The following PMS2 variants were observed in gnomAD, a reference collection of about 807,000 sequenced individuals.
The protein encoded by PMS2 is mismatch repair endonuclease PMS2.
PMS2 carries 69 observed loss-of-function variants against 90.0 expected under a neutral mutation model. The ratio of observed to expected loss-of-function variants is 0.77; its 90% CI spans 0.63 to 0.94. The LOEUF is 0.94. PMS2 is among the 40% of genes least tolerant of loss of function. PMS2 has a pLI of 0.00. For missense variants in PMS2, 966 were observed against 1,040.2 expected, an observed-to-expected ratio of 0.93 and a Z score of 0.98; for synonymous variants, 332 against 375.1, an observed-to-expected ratio of 0.89 and a Z score of 1.33.
At chr7:5,999,418 A>T in intron 5 of PMS2, 143 bp from the exon 6 acceptor site, 1 of 790,754 alleles carries the variant, frequency 1.3e-6, no homozygotes, top group Non-Finnish European at 2.2e-6. Flanking sequence ...ATCTGTAAAG[A>T]GGTGTCTTCC....
At position 5,991,223 on chromosome 7, in the gene PMS2, G is replaced by C. The variant is rs1356827163; in HGVS notation, c.988+750C>G. Among the ~76,000 whole-genome samples, 14 of 151,788 alleles carry C rather than the reference G, an allele frequency of 9.2e-5. 1 individual carries two copies. The highest frequency in any genetic ancestry group is 9.2e-4 in the Admixed American group (14 of 15,194). ...GGAAAAGAAAACATTCACATCTAAG[G>C]ATAAAGAGCAGTATACAAAATTATT... On this transcript the variant is annotated intron_variant, in intron 9 of 14. Coordinates refer to ENST00000265849, the MANE Select transcript of PMS2 (RefSeq NM_000535.7).
At chr7:6,000,010 C>T (rs990045263) in intron 5 of PMS2, among the ~76,000 whole-genome samples, 4 of 152,002 alleles carry the variant, frequency 2.6e-5, no homozygotes, top group Admixed American at 6.6e-5. Context: ...ATAGCCATAG[C>T]GCAGCAGAAT....
intron 7 of PMS2, 115 bp from the exon 8 acceptor site, chr7:5,995,748 T>A (rs975745510): frequency 1.3e-6 from 1 of 773,622 alleles, no homozygotes; most frequent in Non-Finnish European, 2.3e-6. Context: ...GACATGCTGA[T>A]AAGGATCACT....
intron 4 of PMS2, 38 bp downstream of exon 4, chr7:6,003,652 C>G (rs2128825337): frequency 9.4e-7 from 1 of 1,064,264 alleles, no homozygotes; most frequent in Non-Finnish European, 1.4e-6. Context: ...AGAGGTTTCT[C>G]TAAGGGGTCA....
chr7:6,002,484 C>T lies in PMS2; in HGVS notation c.506G>A (p.Arg169His), dbSNP rs730881917. 1.1e-5 allele frequency: 18 copies of T among 1,611,134 alleles called. No individual in the cohort carries two copies. The highest frequency in any genetic ancestry group is 2.7e-5 in the African/African-American group (2 of 74,834). The change falls in exon 5 of 15, where the codon CGC becomes CAC. Residue 169 changes from arginine (R) to histidine (H), a missense_variant. This residue lies in a region of PMS2 where 871 missense variants were observed against 802.4 expected (regional missense o/e 1.09). Coordinates refer to ENST00000265849, the MANE Select transcript of PMS2 (RefSeq NM_000535.7). ...AATATTCCTTTGAAATTCCTTATGG[C>T]GCACAGGTAGTGTGGAAAATAACTG... ...VQQLFSTLPV[R>H]HKEFQRNIKK...
At chr7:5,988,956 C>T (rs543405293) in intron 10 of PMS2, among the ~76,000 whole-genome samples, 2 of 152,184 alleles carry the variant, frequency 1.3e-5, no homozygotes, top group East Asian at 2.0e-4. Flanking sequence ...CCCGGGTTCA[C>T]GCCATTCTCC....
chr7:5,990,441 G>A (rs1207786432), intron 9 of PMS2, among the ~76,000 whole-genome samples: 1 of 152,174 alleles, frequency 6.6e-6, no homozygotes, highest in Non-Finnish European at 1.5e-5. Context: ...TCAAATAAAT[G>A]AGCAAAAGAC....
chr7:5,988,165 G>A (rs1783278739), intron 10 of PMS2, among the ~76,000 whole-genome samples: 2 of 151,682 alleles, frequency 1.3e-5, no homozygotes, highest in African/African-American at 4.8e-5. Flanking sequence ...AGGATCAAGA[G>A]GAATGCCTGA....
chr7:6,003,432 T>C (rs1785333697), intron 4 of PMS2: 4 of 452,452 alleles, frequency 8.8e-6, no homozygotes, highest in South Asian at 2.9e-5. Context: ...ATTTATTATC[T>C]ACATGTTAGG....
Position 5,989,893 on chromosome 7 carries a change from A to G in PMS2, c.1051T>C (p.Leu351=), listed in dbSNP as rs1554298759. 1 of 1,612,508 alleles carries G rather than the reference A, an allele frequency of 6.2e-7. No homozygotes were observed. Among genetic ancestry groups the G allele is most frequent in the Non-Finnish European group, 8.5e-7 (1 of 1,178,842 alleles). ...RQILLQEEKL[L]LAVLKTSLIG... is the part of the protein sequence containing the mutation. ...AAAGAGGTCTTTAAAACTGCCAACA[A>G]AAGCTTTTCCTCTTGTAGCAAAATT... The change falls in exon 10 of 15, where the codon TTG becomes CTG. Residue 351 remains leucine, a synonymous_variant. Coordinates refer to ENST00000265849, the MANE Select transcript of PMS2 (RefSeq NM_000535.7).
chr7:6,008,103 C>G (rs936564366), intron 1 of PMS2, among the ~76,000 whole-genome samples: 3 of 152,040 alleles, frequency 2.0e-5, no homozygotes, highest in African/African-American at 7.2e-5. Context: ...ATGATCCACC[C>G]GCCTTGGCCT....
At chr7:6,007,860 T>TC (rs1451364961) in intron 1 of PMS2, among the ~76,000 whole-genome samples, 1 of 90,134 alleles carries the variant, frequency 1.1e-5, no homozygotes, top group Non-Finnish European at 2.3e-5. Context: ...CTTCTGATTT[T>TC]TTTTTTTTTT....
intron 7 of PMS2, 80 bp from the exon 8 acceptor site, chr7:5,995,713 G>A (rs1243337103): frequency 8.9e-6 from 9 of 1,011,532 alleles, no homozygotes; most frequent in African/African-American, 1.6e-5. Context: ...CATTCTTAAA[G>A]TGAAATGAAA....
At chr7:5,992,454 G>A (rs1022651261) in intron 8 of PMS2, among the ~76,000 whole-genome samples, 4 of 151,862 alleles carry the variant, frequency 2.6e-5, no homozygotes, top group African/African-American at 9.7e-5. Flanking sequence ...AGAGTAGCTG[G>A]GATTACAGGC....
chr7:6,005,358 C>T (rs1399757811), intron 2 of PMS2, among the ~76,000 whole-genome samples: 3 of 152,180 alleles, frequency 2.0e-5, no homozygotes, highest in Non-Finnish European at 2.9e-5. Context: ...GCTTCTGCCA[C>T]CAGGTCCAGC....
chr7:5,989,407 T>G (rs2128745246), intron 10 of PMS2, among the ~76,000 whole-genome samples: 1 of 152,242 alleles, frequency 6.6e-6, no homozygotes, highest in South Asian at 2.1e-4. Context: ...CACTCCAGCC[T>G]GGGTGACAAG....
At chr7:5,990,898 C>T (rs1400899941) in intron 9 of PMS2, among the ~76,000 whole-genome samples, 1 of 152,068 alleles carries the variant, frequency 6.6e-6, no homozygotes, top group Admixed American at 6.6e-5. Flanking sequence ...GCCTGTAATC[C>T]GTGCTACTCA....
At position 6,005,881 on chromosome 7, in the gene PMS2, C is replaced by G. The variant is rs777038213; in HGVS notation, c.163+11G>C. The G allele has an allele frequency of 6.2e-7, 1 of 1,610,770 alleles. No individual in the cohort carries two copies. Among genetic ancestry groups the G allele is most frequent in the Non-Finnish European group, 8.5e-7 (1 of 1,179,820 alleles). On this transcript the variant is annotated intron_variant, in intron 2 of 14. Coordinates refer to ENST00000265849, the MANE Select transcript of PMS2 (RefSeq NM_000535.7). Reference sequence around the variant, plus strand: ...ATCATTTCTTGTGGCTTAAAACTCTCCCAAACTTACCAATATTAGTGGCAC... The same window carrying G: ...ATCATTTCTTGTGGCTTAAAACTCTGCCAAACTTACCAATATTAGTGGCAC...
At chr7:5,990,448 A>G (rs1783615422) in intron 9 of PMS2, among the ~76,000 whole-genome samples, 1 of 152,256 alleles carries the variant, frequency 6.6e-6, no homozygotes, top group African/African-American at 2.4e-5. Flanking sequence ...AATGAGCAAA[A>G]GACAATTTTT....
Sources: gnomAD v4.1 joint callset for allele counts (sites outside exome capture counted in the v4.1 genomes callset) on GRCh38, gnomAD v4.1.1 for gene constraint, gnomAD v4.1.1 regional missense constraint, MANE v1.5 for transcripts, NCBI Gene and HGNC (gene_info 2026-07-23, HGNC 2026-07-21) for gene names.